EXOC6B: variants seen among roughly 807,000 people sequenced by gnomAD.
EXOC6B encodes exocyst complex component 6B, also known as SEC15 homolog B.
Under a neutral mutation model 113.5 loss-of-function variants are expected in EXOC6B, and 54 were observed. The observed-to-expected ratio is 0.48, with a 90% CI of 0.38 to 0.60. EXOC6B has a LOEUF of 0.60. Among genes scored for constraint, EXOC6B ranks in the 20% least tolerant of loss-of-function variants. The pLI is 0.00. For missense variants in EXOC6B, 797 were observed against 977.5 expected, an observed-to-expected ratio of 0.82 and a Z score of 2.46; for synonymous variants, 357 against 339.0, an observed-to-expected ratio of 1.05 and a Z score of -0.58.
chr2:72,186,956 C>CCTGGGAGGCTGAGCT (rs1441406047), intron 20 of EXOC6B, among the ~76,000 whole-genome samples: 2 of 152,110 alleles, frequency 1.3e-5, no homozygotes, highest in Non-Finnish European at 2.9e-5. Flanking sequence ...ACCCACTTGG[C>CCTGGGAGGCTGAGCT]CTGGGAGGCT....
intron 7 of EXOC6B, among the ~76,000 whole-genome samples, chr2:72,574,023 G>A (rs1426334556): frequency 1.3e-5 from 2 of 151,158 alleles, no homozygotes; most frequent in Non-Finnish European, 2.9e-5. Flanking sequence ...GGCTGAGGCA[G>A]GAGAATGGCG....
chr2:72,739,646 TA>T (rs1681180957), intron 2 of EXOC6B, among the ~76,000 whole-genome samples: 1 of 152,112 alleles, frequency 6.6e-6, no homozygotes. Context: ...TTCATGGTTT[TA>T]TTTTTTACAT....
chr2:72,620,136 T>A (rs1348606404), intron 6 of EXOC6B, among the ~76,000 whole-genome samples: 1 of 152,140 alleles, frequency 6.6e-6, no homozygotes, highest in Non-Finnish European at 1.5e-5. Context: ...GGGTCAGAGG[T>A]CAGTGCCTCC....
At chr2:72,790,446 G>A (rs780277218) in intron 1 of EXOC6B, among the ~76,000 whole-genome samples, 3 of 152,056 alleles carry the variant, frequency 2.0e-5, no homozygotes, top group African/African-American at 4.8e-5. Context: ...CGCTTTCATA[G>A]GGAAAAAATT....
chr2:72,768,420 T>C (rs1331482705), intron 1 of EXOC6B, among the ~76,000 whole-genome samples: 2 of 151,126 alleles, frequency 1.3e-5, no homozygotes, highest in Non-Finnish European at 2.9e-5. Context: ...GCCTCCCGAG[T>C]AGCTGGGATT....
chr2:72,385,772 C>T (rs1403237334), intron 18 of EXOC6B, among the ~76,000 whole-genome samples: 1 of 152,138 alleles, frequency 6.6e-6, no homozygotes, highest in African/African-American at 2.4e-5. Context: ...TACAACATCA[C>T]TAGTCATCAG....
chr2:72,609,997 T>C (rs1468092940), intron 6 of EXOC6B, among the ~76,000 whole-genome samples: 1 of 152,118 alleles, frequency 6.6e-6, no homozygotes, highest in Non-Finnish European at 1.5e-5. Flanking sequence ...AACAGAATCT[T>C]GATCTGGTGA....
chr2:72,504,082 A>AT (rs1700477935), intron 11 of EXOC6B, among the ~76,000 whole-genome samples: 2 of 151,610 alleles, frequency 1.3e-5, no homozygotes, highest in African/African-American at 4.8e-5. Context: ...TAATTTTTTA[A>AT]TTTTTTTTGT....
chr2:72,492,476 T>C, intron 15 of EXOC6B, 47 bp from the exon 16 acceptor site: 1 of 1,281,546 alleles, frequency 7.8e-7, no homozygotes, highest in Non-Finnish European at 1.1e-6. Context: ...AGCAGAATTA[T>C]TTCGGCAAAC....
At chr2:72,203,401 G>A (rs1679616450) in intron 20 of EXOC6B, among the ~76,000 whole-genome samples, 1 of 152,160 alleles carries the variant, frequency 6.6e-6, no homozygotes, top group African/African-American at 2.4e-5. Context: ...ACATGTCTGA[G>A]CCCATGGTAT....
chr2:72,725,030 C>A (rs1680221727), intron 5 of EXOC6B, among the ~76,000 whole-genome samples: 1 of 152,116 alleles, frequency 6.6e-6, no homozygotes, highest in South Asian at 2.1e-4. Flanking sequence ...TCAACATTTT[C>A]CAGATTTTAT....
chr2:72,422,392 A>G (rs777258259), intron 18 of EXOC6B, among the ~76,000 whole-genome samples: 29 of 152,054 alleles, frequency 1.9e-4, no homozygotes, highest in Non-Finnish European at 1.2e-4. Context: ...GAGTGCACCA[A>G]TTGACACTCT....
intron 20 of EXOC6B, among the ~76,000 whole-genome samples, chr2:72,293,040 A>G (rs1685902231): frequency 6.6e-6 from 1 of 152,194 alleles, no homozygotes; most frequent in Non-Finnish European, 1.5e-5. Flanking sequence ...TTCTCTAGGA[A>G]AAAATGCCAG....
At chr2:72,531,971 G>A (rs980870347) in intron 8 of EXOC6B, among the ~76,000 whole-genome samples, 1 of 152,004 alleles carries the variant, frequency 6.6e-6, no homozygotes, top group African/African-American at 2.4e-5. Flanking sequence ...GGTGACAAGA[G>A]CGAGACTCCT....
At chr2:72,322,528 A>T (rs1012326866) in intron 20 of EXOC6B, among the ~76,000 whole-genome samples, 25 of 152,150 alleles carry the variant, frequency 1.6e-4, no homozygotes, top group African/African-American at 5.8e-4. Context: ...TACACTTGAA[A>T]TAGGCACATT....
chr2:72,313,376 TA>T (rs1201565586), intron 20 of EXOC6B, among the ~76,000 whole-genome samples: 4 of 152,154 alleles, frequency 2.6e-5, no homozygotes, highest in African/African-American at 7.2e-5. Flanking sequence ...AGAACTTAAA[TA>T]AAAGTTAAAA....
intron 19 of EXOC6B, among the ~76,000 whole-genome samples, chr2:72,340,615 G>A (rs767226274): frequency 3.9e-5 from 6 of 152,128 alleles, no homozygotes; most frequent in Admixed American, 1.3e-4. Context: ...ATGGATTAGG[G>A]ATTGGTTTTG....
At chr2:72,756,414 T>C (rs557937581) in intron 1 of EXOC6B, among the ~76,000 whole-genome samples, 96 of 152,310 alleles carry the variant, frequency 6.3e-4, no homozygotes, top group African/African-American at 2.2e-3. Context: ...AGTTGTGATA[T>C]ATATTTCTGA....
intron 18 of EXOC6B, among the ~76,000 whole-genome samples, chr2:72,402,518 T>C (rs1693405253): frequency 6.6e-6 from 1 of 152,234 alleles, no homozygotes; most frequent in African/African-American, 2.4e-5. Flanking sequence ...TCAGCATTTC[T>C]TGTAGGGCTT....
Sources: allele counts gnomAD v4.1 joint callset (sites outside exome capture counted in the v4.1 genomes callset), GRCh38; gene constraint gnomAD v4.1.1; transcripts MANE v1.5; gene names NCBI Gene and HGNC (gene_info 2026-07-23, HGNC 2026-07-21).